Variants in ZNF34 observed in about 807,000 individuals in gnomAD.
ZNF34 encodes the protein zinc finger protein 34.
A neutral mutation model predicts 14.4 loss-of-function variants in ZNF34; 8 were observed. That is an observed-to-expected ratio of 0.55 (90% confidence interval 0.33 to 1.00). The LOEUF (loss-of-function observed/expected upper bound fraction) is 1.00. ZNF34 is among the 50% of genes least tolerant of loss of function. ZNF34 has a pLI of 0.03. For missense variants in ZNF34, 538 were observed against 674.2 expected, an observed-to-expected ratio of 0.80 and a Z score of 2.24; for synonymous variants, 235 against 247.9, an observed-to-expected ratio of 0.95 and a Z score of 0.49.
At position 144,779,015 on chromosome 8, in the gene ZNF34, G is replaced by T. The variant is rs185889701; in HGVS notation, c.-54-490C>A. ...TGGAACACCAAGCTCTGTGCCAAAG[G>T]GGGGAAGGCTGCCCTGCCGCTCCAT... On this transcript the variant is annotated intron_variant, in intron 2 of 5. Coordinates refer to ENST00000429371, the MANE Select transcript of ZNF34 (RefSeq NM_001286769.2). This position sits in a 1 kb window ranked among gnomAD's most constrained non-coding sequence, Gnocchi z 4.1. 4.6e-5 allele frequency among the ~76,000 whole-genome samples: 7 copies of T among 152,078 alleles called. No individual in the cohort carries two copies. The highest frequency in any genetic ancestry group is 7.2e-5 in the African/African-American group (3 of 41,410).
In ZNF34 at chr8:144,778,045, G is replaced by A. The variant is rs1475243336; in HGVS notation, c.153C>T (p.Val51=). 1 of 1,613,828 alleles carries A rather than the reference G, an allele frequency of 6.2e-7. No individual in the cohort carries two copies. Among genetic ancestry groups the A allele is most frequent in the East Asian group, 2.2e-5 (1 of 44,884 alleles). The change falls in exon 4 of 6, where the codon GTC becomes GTT. Residue 51 remains valine (V), a synonymous_variant. Transcript: ENST00000429371. ...TTCTGGTGAGGGCCTTACCCAGTGA[G>A]ACTAGGTTCCCGTAGGTCTCCAGCA... ...DVMLETYGNL[V]SLGVGPAGPK... is the part of the protein sequence containing the mutation.
At chr8:144,786,553 G>A (rs920169683) in intron 1 of ZNF34, among the ~76,000 whole-genome samples, 1 of 151,748 alleles carries the variant, frequency 6.6e-6, no homozygotes, top group African/African-American at 2.4e-5. Flanking sequence ...AGAATCCCTT[G>A]AACTCGGGAG....
At chr8:144,782,042 G>A (rs1300102087) in intron 1 of ZNF34, among the ~76,000 whole-genome samples, 1 of 151,198 alleles carries the variant, frequency 6.6e-6, no homozygotes, top group Admixed American at 6.6e-5. Flanking sequence ...CACAACTTGG[G>A]GCTGGGCGCA....
intron 1 of ZNF34, among the ~76,000 whole-genome samples, chr8:144,784,831 A>G (rs1050218000): frequency 9.2e-5 from 14 of 152,054 alleles, no homozygotes; most frequent in Admixed American, 2.0e-4. Flanking sequence ...ATTCCATCAA[A>G]AAGAAAAAAG....
rs1825712695 is a variant in ZNF34, at chr8:144,779,080, G to A, written c.-54-555C>T. 2.6e-5 allele frequency among the ~76,000 whole-genome samples: 4 copies of A among 152,000 alleles called. No homozygotes were observed. The highest frequency in any genetic ancestry group is 2.0e-4 in the Admixed American group (3 of 15,258). On this transcript the variant is annotated intron_variant, in intron 2 of 5. Coordinates refer to ENST00000429371, the MANE Select transcript of ZNF34 (RefSeq NM_001286769.2). The surrounding 1 kb of genome is among the most constrained non-coding windows in gnomAD (Gnocchi z 4.1). ...CATAAAAACCCTCATGGCTTGGATG[G>A]AATCCAGGGCTCAGGGCACAAAACC...
At position 144,774,461 on chromosome 8, in the gene ZNF34, C is replaced by T. The variant is rs764646750; in HGVS notation, c.425G>A (p.Gly142Asp). ...GSLEKLVEQR[G>D]PRAVTLTNGE... ...GTTGGTCAGTGTGACTGCCCTGGGG[C>T]CTCTCTGCTCCACTAGCTTTTCCAG... Residue 142 changes from glycine to aspartate, a missense_variant, in exon 6 of 6, where the codon GGC becomes GAC. Coordinates refer to ENST00000429371, the MANE Select transcript of ZNF34 (RefSeq NM_001286769.2). The T allele has an allele frequency of 1.2e-6, 2 of 1,613,998 alleles. No homozygotes were observed. Among genetic ancestry groups the T allele is most frequent in the Non-Finnish European group, 1.7e-6 (2 of 1,179,896 alleles).
chr8:144,781,063 A>G (rs1283101575), intron 1 of ZNF34, among the ~76,000 whole-genome samples: 1 of 150,728 alleles, frequency 6.6e-6, no homozygotes, highest in Non-Finnish European at 1.5e-5. Context: ...GTGAACCGGG[A>G]GGCAGAGCTT....
intron 5 of ZNF34, among the ~76,000 whole-genome samples, chr8:144,775,005 TGA>T (rs1200117449): frequency 6.6e-6 from 1 of 152,224 alleles, no homozygotes; most frequent in Non-Finnish European, 1.5e-5. Flanking sequence ...CCTACCTTTC[TGA>T]GCCTTGGTTT....
rs553243493 is a variant in ZNF34 at position 144,773,104 on chromosome 8, C to T, written c.*162G>A. 2 of 752,306 alleles carry T rather than the reference C, an allele frequency of 2.7e-6. No individual in the cohort carries two copies. Among genetic ancestry groups the T allele is most frequent in the South Asian group, 2.8e-5 (1 of 35,188 alleles). The allele number at this position is 752,306 out of a possible 1,614,324, so 46.6% of individuals were successfully genotyped here. On this transcript the variant is annotated 3_prime_UTR_variant, in exon 6 of 6. Coordinates refer to ENST00000429371, the MANE Select transcript of ZNF34 (RefSeq NM_001286769.2). This position sits in a 1 kb window ranked among gnomAD's most constrained non-coding sequence, Gnocchi z 5.4. ...TCTGTCTCAATTTCTCTAAAATGAA[C>T]ATGCACTGCTTTTGATTTAAGAAAA...
rs1825585008 is a variant in ZNF34 at position 144,777,351 on chromosome 8, C to T, written c.280+107G>A. ...GCCACTGTCAGGCCTCCTGTGCTAG[C>T]CCCGATGAATCTGGCCCACAAACTC... is the stretch of plus-strand genomic sequence containing the variant. On this transcript the variant is annotated intron_variant, in intron 5 of 5. Coordinates refer to ENST00000429371, the MANE Select transcript of ZNF34 (RefSeq NM_001286769.2). The surrounding 1 kb of genome is among the most constrained non-coding windows in gnomAD (Gnocchi z 4.8). The T allele has an allele frequency of 7.0e-7, 1 of 1,433,004 alleles. No homozygotes were observed. The highest frequency in any genetic ancestry group is 9.3e-7 in the Non-Finnish European group (1 of 1,073,172). 88.8% of individuals were successfully genotyped at this position (1,433,004 alleles called of 1,614,324 possible). A position where few individuals can be genotyped will look rare whatever the true frequency, so the allele number is the denominator to read the frequency against.
Position 144,781,130 on chromosome 8 carries a change from A to G in ZNF34, c.-107-850T>C, listed in dbSNP as rs561751552. Among the ~76,000 whole-genome samples the G allele has an allele frequency of 9.2e-4, 80 of 86,874 alleles. 2 individuals are homozygous for G. In the East Asian group the frequency reaches 0.011, roughly 12 times the overall value. The allele number at this position is 86,874 out of a possible 152,430, so 57.0% of individuals were successfully genotyped here. A position where few individuals can be genotyped will look rare whatever the true frequency, so the allele number is the denominator to read the frequency against. On this transcript the variant is annotated intron_variant, in intron 1 of 5. Coordinates refer to ENST00000429371, the MANE Select transcript of ZNF34 (RefSeq NM_001286769.2). ...AGCCTGGGCGACAGAGCGAGACTCC[A>G]TCTCAAATAAATAAATAAATAAATA...
Position 144,777,799 on chromosome 8 carries a change from C to T in ZNF34, c.161-222G>A, listed in dbSNP as rs762015111. ...TAGGAGGTATGCAACTCCGCCCCCC[C>T]GGTGTCCCCCGCCCTACCAGGGAGG... On this transcript the variant is annotated intron_variant, in intron 4 of 5. Transcript: ENST00000429371. This position sits in a 1 kb window ranked among gnomAD's most constrained non-coding sequence, Gnocchi z 4.8. Among the ~76,000 whole-genome samples, 4 of 152,164 alleles carry T rather than the reference C, an allele frequency of 2.6e-5. No homozygotes were observed. Among genetic ancestry groups the T allele is most frequent in the East Asian group, 1.9e-4 (1 of 5,144 alleles).
rs1164384217 is a variant in ZNF34, at chr8:144,777,073, GA to G, written c.280+384del. On this transcript the variant is annotated intron_variant, in intron 5 of 5. Coordinates refer to ENST00000429371, the MANE Select transcript of ZNF34 (RefSeq NM_001286769.2). The surrounding 1 kb of genome is among the most constrained non-coding windows in gnomAD (Gnocchi z 4.8). The stretch of plus-strand genomic sequence containing the variant: ...TTCCGCAGTGTATTAATTTAGAAGA[GA>G]GGGGAATTAAATGATAGCTCCATCA... Among the ~76,000 whole-genome samples, 3 of 152,112 alleles carry G rather than the reference GA, an allele frequency of 2.0e-5. No individual in the cohort carries two copies. The highest frequency in any genetic ancestry group is 7.2e-5 in the African/African-American group (3 of 41,422).
At chr8:144,783,588 A>G (rs980691894) in intron 1 of ZNF34, among the ~76,000 whole-genome samples, 2 of 152,208 alleles carry the variant, frequency 1.3e-5, no homozygotes, top group African/African-American at 4.8e-5. Context: ...CAGCAACCGA[A>G]AACTGACCAT....
At chr8:144,780,117 G>T in intron 2 of ZNF34, 111 bp downstream of exon 2, 1 of 772,790 alleles carries the variant, frequency 1.3e-6, no homozygotes, top group African/African-American at 1.7e-5. Flanking sequence ...GGATCACCTG[G>T]GCCCAGGAAG....
chr8:144,777,916 G>A lies in ZNF34; in HGVS notation c.160+122C>T. On this transcript the variant is annotated intron_variant, in intron 4 of 5. Transcript: ENST00000429371. The surrounding 1 kb of genome is among the most constrained non-coding windows in gnomAD (Gnocchi z 4.8). ...TTCCCCTCATCTTCTCAGATCAGGT[G>A]CCTGCCTGGGATAAAGGTCATCACC... is the stretch of plus-strand genomic sequence containing the variant. 1 of 1,413,286 alleles carries A rather than the reference G, an allele frequency of 7.1e-7. No individual in the cohort carries two copies. Among genetic ancestry groups the A allele is most frequent in the East Asian group, 2.5e-5 (1 of 40,306 alleles). 87.5% of individuals were successfully genotyped at this position (1,413,286 alleles called of 1,614,324 possible). A position where few individuals can be genotyped will look rare whatever the true frequency, so the allele number is the denominator to read the frequency against.
At chr8:144,785,043 G>A (rs866423663) in intron 1 of ZNF34, among the ~76,000 whole-genome samples, 5 of 148,692 alleles carry the variant, frequency 3.4e-5, no homozygotes, top group Non-Finnish European at 4.5e-5. Flanking sequence ...TTTGAGAGTG[G>A]GAGATGGAGG....
At position 144,773,428 on chromosome 8, in the gene ZNF34, A is replaced by G. The variant is rs1054654278; in HGVS notation, c.1458T>C (p.Asp486=). Residue 486 remains aspartate (D), a synonymous_variant, in exon 6 of 6, where the codon GAT becomes GAC. Transcript: ENST00000429371. The surrounding 1 kb of genome is among the most constrained non-coding windows in gnomAD (Gnocchi z 5.4). ...TGCTCTGGCTGAAGGCTTTCTTGCA[A>G]TCGCTGCATCTGTAGGGTTTCTCTC... The part of the protein sequence containing the change: ...HHGEKPYRCS[D]CKKAFSQSTY... 1 of 1,604,784 alleles carries G rather than the reference A, an allele frequency of 6.2e-7. No individual in the cohort carries two copies. The highest frequency in any genetic ancestry group is 8.5e-7 in the Non-Finnish European group (1 of 1,177,020).
Position 144,773,062 on chromosome 8 carries a change from T to C in ZNF34, c.*204A>G. The C allele has an allele frequency of 1.8e-6, 1 of 542,086 alleles. No individual in the cohort carries two copies. The highest frequency in any genetic ancestry group is 3.0e-6 in the Non-Finnish European group (1 of 329,710). The allele number at this position is 542,086 out of a possible 1,614,324, so 33.6% of individuals were successfully genotyped here. A position where few individuals can be genotyped will look rare whatever the true frequency, so the allele number is the denominator to read the frequency against. On this transcript the variant is annotated 3_prime_UTR_variant, in exon 6 of 6. Coordinates refer to ENST00000429371, the MANE Select transcript of ZNF34 (RefSeq NM_001286769.2). This position sits in a 1 kb window ranked among gnomAD's most constrained non-coding sequence, Gnocchi z 5.4. Reference sequence around the variant, plus strand: ...CTAAGTGGGAGAGATCACAGAAGCTTCTTTTTTGCCCACTTTTCTGTCTCA... The same window carrying C: ...CTAAGTGGGAGAGATCACAGAAGCTCCTTTTTTGCCCACTTTTCTGTCTCA...
Sources: gnomAD v4.1 joint callset for allele counts (sites outside exome capture counted in the v4.1 genomes callset) on GRCh38, gnomAD v4.1.1 for gene constraint, Gnocchi (gnomAD v3.1) non-coding constraint, MANE v1.5 for transcripts, NCBI Gene and HGNC (gene_info 2026-07-23, HGNC 2026-07-21) for gene names.